The following UGT2A2 variants were observed in gnomAD, a reference collection of about 807,000 sequenced individuals.
The protein encoded by UGT2A2 is UDP glucuronosyltransferase family 2 member A2, also known as UDP-glucuronosyltransferase 2A2.
Under a neutral mutation model 50.7 loss-of-function variants are expected in UGT2A2, and 60 were observed. The observed-to-expected ratio is 1.18, with a 90% CI of 0.96 to 1.47. The LOEUF (loss-of-function observed/expected upper bound fraction) is 1.47, where lower values mean the gene tolerates loss of function less well. Ranked by LOEUF, UGT2A2 falls within the 40% of genes most tolerant of loss-of-function variation. UGT2A2 has a pLI of 0.00. For missense variants in UGT2A2, 762 were observed against 634.0 expected, an observed-to-expected ratio of 1.20 and a Z score of -2.17; for synonymous variants, 242 against 214.6, an observed-to-expected ratio of 1.13 and a Z score of -1.11.
intron 1 of UGT2A2, among the ~76,000 whole-genome samples, chr4:69,630,932 C>T (rs1032523299): frequency 5.3e-5 from 8 of 151,948 alleles, no homozygotes; most frequent in African/African-American, 1.7e-4. Flanking sequence ...AAAGAATACA[C>T]GACTAAGTGG....
chr4:69,604,938 AG>A (rs1259451146), intron 1 of UGT2A2, among the ~76,000 whole-genome samples: 2 of 136,780 alleles, frequency 1.5e-5, no homozygotes, highest in African/African-American at 5.9e-5. Flanking sequence ...TTAGAGACCT[AG>A]AAAGAGACTT....
rs1199302460 is a variant in UGT2A2, at chr4:69,629,859, C to T, written c.742+9040G>A. On this transcript the variant is annotated intron_variant, in intron 1 of 5. Coordinates refer to ENST00000604629, the MANE Select transcript of UGT2A2 (RefSeq NM_001105677.2). ...CCTGTGAGTCTTTCTAGTGAATCAT[C>T]GAGTCTCAGAGTAGATCCATAAGAA... Among the ~76,000 whole-genome samples the T allele has an allele frequency of 2.6e-5, 4 of 152,010 alleles. 1 individual carries two copies. In the South Asian group the frequency reaches 6.3e-4, roughly 24 times the overall value.
Position 69,615,713 on chromosome 4 carries a change from A to AAAAC in UGT2A2, c.743-16323_743-16320dup, listed in dbSNP as rs910296174. Among the ~76,000 whole-genome samples, 52 of 152,054 alleles carry AAAAC rather than the reference A, an allele frequency of 3.4e-4. 1 individual carries two copies. Among genetic ancestry groups the AAAAC allele is most frequent in the African/African-American group, 1.2e-3 (51 of 41,510 alleles). On this transcript the variant is annotated intron_variant, in intron 1 of 5. Coordinates refer to ENST00000604629, the MANE Select transcript of UGT2A2 (RefSeq NM_001105677.2). ...CTTTTACCACCCTGACCCCGCCGCA[A>AAAAC]AAACAAACAAGCAAACAAACAGACA...
chr4:69,632,433 T>C (rs930188140), intron 1 of UGT2A2, among the ~76,000 whole-genome samples: 1 of 152,166 alleles, frequency 6.6e-6, no homozygotes, highest in Non-Finnish European at 1.5e-5. Flanking sequence ...ACCCACGTTA[T>C]GATTTCTTTG....
intron 1 of UGT2A2, among the ~76,000 whole-genome samples, chr4:69,633,606 A>G (rs950306789): frequency 2.0e-5 from 3 of 152,230 alleles, no homozygotes; most frequent in Admixed American, 6.5e-5. Flanking sequence ...TAGACTCCAT[A>G]TAGCTATAAG....
intron 1 of UGT2A2, among the ~76,000 whole-genome samples, chr4:69,613,205 C>T (rs1468150597): frequency 6.6e-6 from 1 of 151,696 alleles, no homozygotes; most frequent in Non-Finnish European, 1.5e-5. Flanking sequence ...AGACATATAA[C>T]AGACATATAG....
intron 1 of UGT2A2, among the ~76,000 whole-genome samples, chr4:69,633,814 G>T (rs780143742): frequency 1.3e-5 from 2 of 152,098 alleles, no homozygotes; most frequent in Non-Finnish European, 2.9e-5. Context: ...ACTGATAAGC[G>T]GATGAAAGAG....
intron 2 of UGT2A2, 51 bp from the exon 3 acceptor site, chr4:69,596,432 A>G (rs747685853): frequency 7.0e-7 from 1 of 1,427,238 alleles, no homozygotes; most frequent in Non-Finnish European, 9.3e-7. Flanking sequence ...CATAAGAAAA[A>G]ATAAGTTTAC....
At chr4:69,621,398 A>C (rs1295114411) in intron 1 of UGT2A2, among the ~76,000 whole-genome samples, 1 of 152,018 alleles carries the variant, frequency 6.6e-6, no homozygotes, top group Non-Finnish European at 1.5e-5. Flanking sequence ...TAAAAAGCTA[A>C]AAGCTAAATA....
chr4:69,632,447 C>T (rs17147521), intron 1 of UGT2A2, among the ~76,000 whole-genome samples: 16,147 of 152,136 alleles, frequency 0.11, 875 homozygotes, highest in South Asian at 0.21. Context: ...TTCTTTGAAA[C>T]ATCCAATGGC....
rs1718426220 is a variant in UGT2A2 at position 69,589,073 on chromosome 4, T to C, written c.*299A>G. The C allele has an allele frequency of 4.6e-6, 1 of 217,084 alleles. No homozygotes were observed. Among genetic ancestry groups the C allele is most frequent in the South Asian group, 9.8e-5 (1 of 10,168 alleles). 13.4% of individuals were successfully genotyped at this position (217,084 alleles called of 1,614,324 possible). On this transcript the variant is annotated 3_prime_UTR_variant, in exon 6 of 6. Coordinates refer to ENST00000604629, the MANE Select transcript of UGT2A2 (RefSeq NM_001105677.2). Reference sequence around the variant, plus strand: ...GGTTAACGATAAAATAATTTGATACTATGAATAGAACATATTTAAAATTAG... The same window carrying C: ...GGTTAACGATAAAATAATTTGATACCATGAATAGAACATATTTAAAATTAG...
At chr4:69,635,849 A>AGAG (rs1553907476) in intron 1 of UGT2A2, 1 of 118,514 alleles carries the variant, frequency 8.4e-6, no homozygotes, top group East Asian at 2.4e-4. Context: ...AAAAAAAAAA[A>AGAG]AGAGAGAGAG....
chr4:69,596,569 C>G (rs1577946908), intron 2 of UGT2A2, among the ~76,000 whole-genome samples, 188 bp from the exon 3 acceptor site: 1 of 152,250 alleles, frequency 6.6e-6, no homozygotes, highest in East Asian at 1.9e-4. Flanking sequence ...GTCGCCCAGG[C>G]TGGAGCGCAG....
Position 69,599,278 on chromosome 4 carries a change from A to C in UGT2A2, c.859T>G (p.Leu287Val). Residue 287 changes from leucine (L) to valine (V), a missense_variant, in exon 2 of 6, where the codon TTG becomes GTG. Transcript: ENST00000604629. Reference protein sequence around the residue: ...YLPNFEFVGGLHCKPAKPLPK... With the variant: ...YLPNFEFVGGVHCKPAKPLPK... Reference sequence around the variant, plus strand: ...AAAGGTTTGGCAGGTTTGCAGTGCAATCCTCCAACAAACTCAAAATTAGGT... The same window carrying C: ...AAAGGTTTGGCAGGTTTGCAGTGCACTCCTCCAACAAACTCAAAATTAGGT... 2 of 1,613,742 alleles carry C rather than the reference A, an allele frequency of 1.2e-6. No homozygotes were observed. Among genetic ancestry groups the C allele is most frequent in the Non-Finnish European group, 1.7e-6 (2 of 1,179,874 alleles).
chr4:69,614,897 G>C (rs1245722098), intron 1 of UGT2A2, among the ~76,000 whole-genome samples: 1 of 152,074 alleles, frequency 6.6e-6, no homozygotes, highest in African/African-American at 2.4e-5. Flanking sequence ...GCATGGTTGG[G>C]AGGCCTCAGA....
intron 1 of UGT2A2, among the ~76,000 whole-genome samples, chr4:69,618,187 A>ATG (rs72430246): frequency 0.46 from 65,874 of 144,356 alleles, 15,633 homozygotes; most frequent in East Asian, 0.68. Context: ...GCCAGTAAGC[A>ATG]TGTGTGTGTG....
chr4:69,628,762 A>G (rs138374361), intron 1 of UGT2A2, among the ~76,000 whole-genome samples: 1 of 149,224 alleles, frequency 6.7e-6, no homozygotes, highest in African/African-American at 2.5e-5. Context: ...ACTAAATGTA[A>G]AGTTTCAGCT....
At chr4:69,633,455 A>G (rs957406426) in intron 1 of UGT2A2, among the ~76,000 whole-genome samples, 17 of 152,204 alleles carry the variant, frequency 1.1e-4, no homozygotes, top group Non-Finnish European at 2.4e-4. Flanking sequence ...GAATATATCC[A>G]ACAGTATGGC....
intron 1 of UGT2A2, among the ~76,000 whole-genome samples, chr4:69,625,021 A>AT (rs1451426382): frequency 6.6e-6 from 1 of 151,182 alleles, no homozygotes; most frequent in Non-Finnish European, 1.5e-5. Context: ...ATCAGCCTTT[A>AT]TTTTTAAAAT....
Sources: allele counts gnomAD v4.1 joint callset (sites outside exome capture counted in the v4.1 genomes callset), GRCh38; gene constraint gnomAD v4.1.1; transcripts MANE v1.5; gene names NCBI Gene and HGNC (gene_info 2026-07-23, HGNC 2026-07-21).